The following SPECC1 variants were observed in gnomAD, a reference collection of about 807,000 sequenced individuals.
SPECC1 encodes cytospin-B.
Under a neutral mutation model 104.1 loss-of-function variants are expected in SPECC1, and 62 were observed. The observed-to-expected ratio is 0.60, with a 90% CI of 0.49 to 0.74. The LOEUF is 0.74. SPECC1 is among the 30% of genes least tolerant of loss of function. The pLI, the probability that SPECC1 is intolerant of heterozygous loss-of-function variation, is 0.00. For synonymous variants in SPECC1, 513 were observed against 501.6 expected (o/e 1.02, Z -0.30); for missense variants, 1,306 against 1,310.5 (o/e 1.00, Z 0.05).
At chr17:20,269,515 C>G (rs1383573048) in intron 12 of SPECC1, among the ~76,000 whole-genome samples, 1 of 152,156 alleles carries the variant, frequency 6.6e-6, no homozygotes, top group Non-Finnish European at 1.5e-5. Context: ...AACCTCCGCT[C>G]CCGGGTTCAA....
At chr17:20,240,738 C>G (rs1178500086) in intron 7 of SPECC1, among the ~76,000 whole-genome samples, 3 of 152,174 alleles carry the variant, frequency 2.0e-5, no homozygotes, top group African/African-American at 7.2e-5. Context: ...ATTTCTTTCT[C>G]TTTTGAGTTA....
In SPECC1 at chr17:20,130,219, GA is replaced by G. The variant is rs562421815; in HGVS notation, c.283+19660del. Reference sequence around the variant, plus strand: ...TGGATGTCCAGTTGCTCCATTGTTGGAAAGGGTATCCTTTCTCTATTGAATC... The same window carrying G: ...TGGATGTCCAGTTGCTCCATTGTTGGAAGGGTATCCTTTCTCTATTGAATC... On this transcript the variant is annotated intron_variant, in intron 3 of 14. Transcript: ENST00000395527. 4.3e-4 allele frequency among the ~76,000 whole-genome samples: 66 copies of G among 152,254 alleles called. 1 individual carries two copies. In the East Asian group the frequency reaches 0.01, roughly 24 times the overall value.
chr17:20,082,825 C>T (rs1260642456), intron 1 of SPECC1, among the ~76,000 whole-genome samples: 5 of 151,914 alleles, frequency 3.3e-5, no homozygotes, highest in African/African-American at 4.8e-5. Flanking sequence ...AAGGGAGTGG[C>T]GGGGAGGGAC....
chr17:20,088,637 G>A (rs746460780), intron 1 of SPECC1, among the ~76,000 whole-genome samples: 13 of 152,204 alleles, frequency 8.5e-5, no homozygotes, highest in East Asian at 3.8e-4. Context: ...GATGAGAACC[G>A]CAAGTTTCAT....
intron 2 of SPECC1, among the ~76,000 whole-genome samples, chr17:20,103,407 G>A (rs968342054): frequency 1.3e-5 from 2 of 152,162 alleles, no homozygotes; most frequent in Non-Finnish European, 1.5e-5. Context: ...AACTCTGATC[G>A]GCAGGGCCTC....
chr17:20,093,733 GT>G (rs10578540), intron 1 of SPECC1, among the ~76,000 whole-genome samples: 1,771 of 129,660 alleles, frequency 0.014, 29 homozygotes, highest in African/African-American at 0.045. Context: ...TTTGTTTTTT[GT>G]TTTTTTTTTT....
At chr17:20,163,746 A>T (rs2033388759) in intron 3 of SPECC1, among the ~76,000 whole-genome samples, 1 of 152,036 alleles carries the variant, frequency 6.6e-6, no homozygotes, top group African/African-American at 2.4e-5. Context: ...TTTTTTATAG[A>T]GACGGGGTCT....
intron 2 of SPECC1, among the ~76,000 whole-genome samples, chr17:20,099,511 CAAAAAAAA>C (rs56285234): frequency 1.3e-4 from 12 of 91,780 alleles, no homozygotes; most frequent in South Asian, 4.0e-4. Flanking sequence ...TGTCTTTACC[CAAAAAAAA>C]AAAAAAAAAA....
intron 1 of SPECC1, among the ~76,000 whole-genome samples, chr17:20,048,484 T>A (rs141965335): frequency 0.021 from 3,213 of 152,244 alleles, 40 homozygotes; most frequent in Non-Finnish European, 0.031. Flanking sequence ...TTCAGCAAAT[T>A]CCTGTCTCAG....
chr17:20,122,412 C>T (rs1597757526), intron 3 of SPECC1, among the ~76,000 whole-genome samples: 1 of 152,210 alleles, frequency 6.6e-6, no homozygotes, highest in East Asian at 1.9e-4. Flanking sequence ...GCCATGGCAC[C>T]GGGGAACAGC....
chr17:20,301,487 A>G (rs965499946), intron 13 of SPECC1, among the ~76,000 whole-genome samples: 3 of 152,104 alleles, frequency 2.0e-5, no homozygotes, highest in Admixed American at 6.5e-5. Flanking sequence ...AACTATTAAA[A>G]TCAAAATCTA....
intron 14 of SPECC1, among the ~76,000 whole-genome samples, chr17:20,308,287 G>C (rs992496885): frequency 1.3e-5 from 2 of 149,738 alleles, no homozygotes; most frequent in African/African-American, 4.9e-5. Context: ...TACTCGGGAG[G>C]CTGAGGCAGG....
chr17:20,219,095 G>C (rs2037697228), intron 4 of SPECC1, among the ~76,000 whole-genome samples: 1 of 152,168 alleles, frequency 6.6e-6, no homozygotes. Context: ...ATTGTAAATA[G>C]TGCTGCAATA....
chr17:20,231,673 G>A (rs1329373053), intron 5 of SPECC1, 85 bp from the exon 6 acceptor site: 6 of 1,220,522 alleles, frequency 4.9e-6, no homozygotes, highest in Non-Finnish European at 7.3e-6. Flanking sequence ...GGCATCTGGA[G>A]CTGCCCCTTT....
intron 4 of SPECC1, among the ~76,000 whole-genome samples, chr17:20,217,331 A>G (rs2037562240): frequency 6.7e-6 from 1 of 149,940 alleles, no homozygotes; most frequent in South Asian, 2.1e-4. Context: ...TAAACTTGAG[A>G]TAGTTATTCC....
chr17:20,121,088 C>T (rs2049004418), intron 3 of SPECC1, among the ~76,000 whole-genome samples: 2 of 152,102 alleles, frequency 1.3e-5, no homozygotes, highest in Admixed American at 6.5e-5. Flanking sequence ...CAGCAAAAAT[C>T]ACAAAAGGGG....
chr17:20,215,222 A>G (rs1430749081), intron 4 of SPECC1, among the ~76,000 whole-genome samples: 1 of 152,166 alleles, frequency 6.6e-6, no homozygotes, highest in Non-Finnish European at 1.5e-5. Context: ...TGCATTTCAC[A>G]TATGCTGAGG....
chr17:20,261,434 G>A (rs994378800), intron 12 of SPECC1, among the ~76,000 whole-genome samples: 1 of 147,408 alleles, frequency 6.8e-6, no homozygotes, highest in South Asian at 2.1e-4. Context: ...CCCGGGAGGC[G>A]AAGCTTGCAG....
chr17:20,092,957 G>A (rs1427465595), intron 1 of SPECC1, among the ~76,000 whole-genome samples: 2 of 152,174 alleles, frequency 1.3e-5, no homozygotes, highest in Non-Finnish European at 2.9e-5. Context: ...TGGTGTTTAG[G>A]TGTGTAGGTT....
Sources: gnomAD v4.1 joint callset for allele counts (sites outside exome capture counted in the v4.1 genomes callset) on GRCh38, gnomAD v4.1.1 for gene constraint, MANE v1.5 for transcripts, NCBI Gene and HGNC (gene_info 2026-07-23, HGNC 2026-07-21) for gene names.